The following RAP1B variants were observed in gnomAD, a reference collection of about 807,000 sequenced individuals.
RAP1B encodes RAP1B, member of RAS oncogene family, also known as ras-related protein Rap-1b.
RAP1B carries 1 observed loss-of-function variant against 27.5 expected under a neutral mutation model. That is an observed-to-expected ratio of 0.04 (90% CI 0.01 to 0.17). The LOEUF is 0.17. RAP1B is among the 10% of genes least tolerant of loss of function. The pLI, the probability that RAP1B is intolerant of heterozygous loss-of-function variation, is 1.00. For synonymous variants in RAP1B, 75 were observed against 73.1 expected (o/e 1.03, Z -0.13); for missense variants, 84 against 214.8 (o/e 0.39, Z 3.81).
At chr12:68,618,226 A>G (rs1295834788) in intron 1 of RAP1B, among the ~76,000 whole-genome samples, 3 of 147,926 alleles carry the variant, frequency 2.0e-5, no homozygotes, top group African/African-American at 7.5e-5. Flanking sequence ...AGCTGGGATT[A>G]CAGGCATGCG....
chr12:68,617,828 A>G (rs1871132616), intron 1 of RAP1B, among the ~76,000 whole-genome samples: 1 of 152,114 alleles, frequency 6.6e-6, no homozygotes. Flanking sequence ...CAGTGGCACA[A>G]ACTTGGCTCA....
intron 2 of RAP1B, chr12:68,649,426 C>G (rs1195503685): frequency 6.6e-6 from 1 of 152,130 alleles, no homozygotes; most frequent in Non-Finnish European, 1.5e-5. Context: ...CAAATATTAC[C>G]TTTGACTGTC....
rs1347110053 is a variant in RAP1B, at chr12:68,671,828, A to G, written c.*12579A>G. On this transcript the variant is annotated 3_prime_UTR_variant, in exon 8 of 8. Coordinates refer to ENST00000250559, the MANE Select transcript of RAP1B (RefSeq NM_001010942.3). Reference sequence around the variant, plus strand: ...AAAAAGCTATATGAATGTCATCATTATATGTAAAATATGAATGTAAAATAC... The same window carrying G: ...AAAAAGCTATATGAATGTCATCATTGTATGTAAAATATGAATGTAAAATAC... 2 of 152,204 alleles carry G rather than the reference A, an allele frequency of 1.3e-5. No individual in the cohort carries two copies. The highest frequency in any genetic ancestry group is 2.1e-4 in the South Asian group (1 of 4,828). The allele number at this position is 152,204 out of a possible 1,614,324, so 9.4% of individuals were successfully genotyped here.
At chr12:68,618,948 TAAAA>T (rs534162770) in intron 1 of RAP1B, among the ~76,000 whole-genome samples, 5 of 145,318 alleles carry the variant, frequency 3.4e-5, no homozygotes, top group Admixed American at 2.8e-4. Flanking sequence ...TCTCTCCTAT[TAAAA>T]AAAAAAAAGT....
At chr12:68,637,259 A>AGATT (rs1325587774) in intron 1 of RAP1B, among the ~76,000 whole-genome samples, 1 of 152,182 alleles carries the variant, frequency 6.6e-6, no homozygotes, top group African/African-American at 2.4e-5. Flanking sequence ...TCTGTCCATC[A>AGATT]ACTCGGTACA....
intron 1 of RAP1B, among the ~76,000 whole-genome samples, chr12:68,641,403 G>A (rs1485443166): frequency 6.6e-6 from 1 of 152,150 alleles, no homozygotes; most frequent in African/African-American, 2.4e-5. Context: ...GTCTTTCCAT[G>A]TCTTTGCTGT....
Position 68,652,070 on chromosome 12 carries a change from C to G in RAP1B, c.183+19C>G, listed in dbSNP as rs778235661. On this transcript the variant is annotated intron_variant, in intron 4 of 7. Coordinates refer to ENST00000250559, the MANE Select transcript of RAP1B (RefSeq NM_001010942.3). ...AGGAACGGTAGGTAAAACTAAATAC[C>G]AAAGTATATACACCGTTTGTACAGT... 43 of 1,576,516 alleles carry G rather than the reference C, an allele frequency of 2.7e-5. No individual in the cohort carries two copies. In the South Asian group the frequency reaches 3.0e-4, roughly 11 times the overall value.
chr12:68,613,389 TAAA>T (rs34380580), intron 1 of RAP1B, among the ~76,000 whole-genome samples: 12 of 123,346 alleles, frequency 9.7e-5, no homozygotes, highest in Non-Finnish European at 1.0e-4. Flanking sequence ...AGACCTGTCT[TAAA>T]AAAAAAAAAA....
chr12:68,623,123 T>A (rs1319013569), intron 1 of RAP1B, among the ~76,000 whole-genome samples: 2 of 152,390 alleles, frequency 1.3e-5, no homozygotes, highest in East Asian at 3.9e-4. Context: ...TAATTGTTCT[T>A]AGTTACTATA....
rs1404177691 is a variant in RAP1B at position 68,661,964 on chromosome 12, A to G, written c.*2715A>G. ...CTGTAAAATGAGAATGATAATACCTACTTCATAGGAGAGTGAAATGAATGC... is the reference window on the plus strand; with the variant it reads ...CTGTAAAATGAGAATGATAATACCTGCTTCATAGGAGAGTGAAATGAATGC... On this transcript the variant is annotated 3_prime_UTR_variant, in exon 8 of 8. Transcript: ENST00000250559. 2 of 149,450 alleles carry G rather than the reference A, an allele frequency of 1.3e-5. No homozygotes were observed. Among genetic ancestry groups the G allele is most frequent in the African/African-American group, 2.5e-5 (1 of 40,784 alleles). 9.3% of individuals were successfully genotyped at this position (149,450 alleles called of 1,614,324 possible). A position where few individuals can be genotyped will look rare whatever the true frequency, so the allele number is the denominator to read the frequency against.
intron 1 of RAP1B, among the ~76,000 whole-genome samples, chr12:68,625,049 C>A (rs1437814583): frequency 1.3e-5 from 2 of 152,194 alleles, no homozygotes; most frequent in Non-Finnish European, 2.9e-5. Context: ...TTCAACGATG[C>A]ACACATAATG....
intron 7 of RAP1B, among the ~76,000 whole-genome samples, chr12:68,658,205 T>C (rs1466062215): frequency 6.6e-6 from 1 of 152,270 alleles, no homozygotes; most frequent in Non-Finnish European, 1.5e-5. Flanking sequence ...CATAGCACTT[T>C]GATTCTGCAT....
chr12:68,655,047 A>G (rs58540644), intron 5 of RAP1B, among the ~76,000 whole-genome samples: 2 of 152,044 alleles, frequency 1.3e-5, no homozygotes, highest in African/African-American at 2.4e-5. Flanking sequence ...ATGGTGGCTC[A>G]CACCTCTAAT....
rs1874664772 is a variant in RAP1B, at chr12:68,662,649, A to T, written c.*3400A>T. On this transcript the variant is annotated 3_prime_UTR_variant, in exon 8 of 8. Coordinates refer to ENST00000250559, the MANE Select transcript of RAP1B (RefSeq NM_001010942.3). ...TCTCTTCTTAAATCTTGGAAATGTA[A>T]AAGGGAGTTATAGTGTTTTACAATT... 6.6e-6 allele frequency: 1 copy of T among 152,134 alleles called. No homozygotes were observed. The highest frequency in any genetic ancestry group is 2.1e-4 in the South Asian group (1 of 4,832). The allele number at this position is 152,134 out of a possible 1,614,324, so 9.4% of individuals were successfully genotyped here.
chr12:68,651,349 G>GT (rs1873802737), intron 3 of RAP1B, among the ~76,000 whole-genome samples: 1 of 151,906 alleles, frequency 6.6e-6, no homozygotes, highest in Non-Finnish European at 1.5e-5. Context: ...CAAATACTGT[G>GT]TTTCCATTCC....
chr12:68,630,578 A>G (rs1872162326), intron 1 of RAP1B, among the ~76,000 whole-genome samples: 1 of 152,158 alleles, frequency 6.6e-6, no homozygotes, highest in Admixed American at 6.6e-5. Flanking sequence ...ATATAGCAAT[A>G]ATCATTACAC....
intron 1 of RAP1B, among the ~76,000 whole-genome samples, chr12:68,646,337 C>T (rs1212292158): frequency 2.0e-5 from 3 of 151,702 alleles, no homozygotes; most frequent in East Asian, 1.9e-4. Flanking sequence ...GCAGTCTCAC[C>T]GGGGCTGGAG....
chr12:68,634,864 A>G (rs1872523906), intron 1 of RAP1B, among the ~76,000 whole-genome samples: 1 of 152,212 alleles, frequency 6.6e-6, no homozygotes, highest in Non-Finnish European at 1.5e-5. Context: ...AGTTGGTGTG[A>G]TTAATTGAAA....
chr12:68,657,008 A>T, intron 6 of RAP1B, 93 bp from the exon 7 acceptor site: 1 of 1,030,914 alleles, frequency 9.7e-7, no homozygotes, highest in Non-Finnish European at 1.5e-6. Context: ...ATTAATTTAT[A>T]TCCATGGAAA....
Sources: allele counts gnomAD v4.1 joint callset (sites outside exome capture counted in the v4.1 genomes callset), GRCh38; gene constraint gnomAD v4.1.1; transcripts MANE v1.5; gene names NCBI Gene and HGNC (gene_info 2026-07-23, HGNC 2026-07-21).